The following SH3RF2 variants were observed in gnomAD, a reference collection of about 807,000 sequenced individuals.
SH3RF2 encodes the protein E3 ubiquitin-protein ligase SH3RF2.
In SH3RF2, 43 loss-of-function variants were observed where a neutral mutation model predicts 59.0. The ratio of observed to expected loss-of-function variants is 0.73; its 90% confidence interval spans 0.57 to 0.94. The LOEUF (loss-of-function observed/expected upper bound fraction) is 0.94, where lower values mean the gene tolerates loss of function less well. Among genes scored for constraint, SH3RF2 ranks in the 40% least tolerant of loss-of-function variants. The pLI, the probability that SH3RF2 is intolerant of heterozygous loss-of-function variation, is 0.00. For missense variants in SH3RF2, 930 were observed against 940.1 expected, an observed-to-expected ratio of 0.99 and a Z score of 0.14; for synonymous variants, 391 against 391.5, an observed-to-expected ratio of 1.00 and a Z score of 0.01.
At position 145,989,286 on chromosome 5, in the gene SH3RF2, CATG is replaced by C. The variant is rs558254962; in HGVS notation, c.379-10767_379-10765del. On this transcript the variant is annotated intron_variant, in intron 2 of 9. Coordinates refer to ENST00000359120, the MANE Select transcript of SH3RF2 (RefSeq NM_152550.4). ...TTAAAATTGGGGGATGTTTAGAAAA[CATG>C]ATGAAAACAATCCTTCTTTTCCCTA... is the stretch of plus-strand genomic sequence containing the variant. Among the ~76,000 whole-genome samples, 18 of 152,264 alleles carry C rather than the reference CATG, an allele frequency of 1.2e-4. No homozygotes were observed. The East Asian group carries it at 3.5e-3, about 29-fold the overall frequency.
intron 9 of SH3RF2, among the ~76,000 whole-genome samples, chr5:146,070,732 T>A (rs58561298): frequency 2.0e-5 from 3 of 152,222 alleles, no homozygotes; most frequent in Non-Finnish European, 4.4e-5. Context: ...TCTTCCAGTG[T>A]TCCTTGCTGG....
chr5:145,944,823 GCTGTCT>G (rs1757950079), intron 2 of SH3RF2, among the ~76,000 whole-genome samples: 1 of 152,050 alleles, frequency 6.6e-6, no homozygotes, highest in Non-Finnish European at 1.5e-5. Context: ...TTTGAGAAAC[GCTGTCT>G]CAGAGTTCAC....
At chr5:146,018,517 C>T (rs577885993) in intron 5 of SH3RF2, among the ~76,000 whole-genome samples, 2 of 147,192 alleles carry the variant, frequency 1.4e-5, no homozygotes, top group East Asian at 4.3e-4. Flanking sequence ...TACACACCCA[C>T]ACACACACAC....
intron 5 of SH3RF2, 55 bp from the exon 6 acceptor site, chr5:146,047,717 G>T (rs1326616947): frequency 6.5e-7 from 1 of 1,548,260 alleles, no homozygotes; most frequent in Non-Finnish European, 8.9e-7. Context: ...GTTTGCTGTG[G>T]GCCTGGGTTG....
At chr5:145,991,757 A>G (rs977204) in intron 2 of SH3RF2, among the ~76,000 whole-genome samples, 85,789 of 152,032 alleles carry the variant, frequency 0.56, 24,839 homozygotes, top group South Asian at 0.79. Flanking sequence ...TTAGTTTAAT[A>G]TGCTCTCTCA....
downstream of SH3RF2, among the ~76,000 whole-genome samples, chr5:146,067,600 C>A (rs891406923): frequency 6.6e-6 from 1 of 152,144 alleles, no homozygotes; most frequent in Non-Finnish European, 1.5e-5. Context: ...TAACAATATC[C>A]CCAAGTGATT....
intron 2 of SH3RF2, among the ~76,000 whole-genome samples, chr5:145,946,281 A>G (rs1410230104): frequency 3.9e-5 from 6 of 152,158 alleles, no homozygotes; most frequent in Admixed American, 3.9e-4. Context: ...GATCTCTGTC[A>G]TTTCTTCGAT....
downstream of SH3RF2, among the ~76,000 whole-genome samples, chr5:146,066,229 A>G (rs897746808): frequency 6.6e-6 from 1 of 152,232 alleles, no homozygotes; most frequent in Non-Finnish European, 1.5e-5. Flanking sequence ...GCCAGGAGGC[A>G]GCAGAGTGCA....
chr5:146,051,077 A>T (rs912879142), intron 7 of SH3RF2, among the ~76,000 whole-genome samples: 5 of 152,214 alleles, frequency 3.3e-5, no homozygotes, highest in African/African-American at 1.2e-4. Context: ...TCTACTAAAA[A>T]TACAAAAAGT....
In SH3RF2 at chr5:145,998,925, CA is replaced by C. The variant is rs1760278700; in HGVS notation, c.379-1127del. 2.6e-5 allele frequency among the ~76,000 whole-genome samples: 4 copies of C among 151,750 alleles called. No homozygotes were observed. In the East Asian group the frequency reaches 7.7e-4, roughly 29 times the overall value. ...ACTCCATCTCAGAAAGAAAAGAAAA[CA>C]AAAAAGTTGTGTTTACACTATGCTG... On this transcript the variant is annotated intron_variant, in intron 2 of 9. Coordinates refer to ENST00000359120, the MANE Select transcript of SH3RF2 (RefSeq NM_152550.4).
At chr5:145,954,159 T>C (rs796370331) in intron 2 of SH3RF2, among the ~76,000 whole-genome samples, 28 of 152,328 alleles carry the variant, frequency 1.8e-4, no homozygotes, top group African/African-American at 6.7e-4. Flanking sequence ...GTTGAACTCA[T>C]TTACACTCCC....
At chr5:145,997,624 C>T in intron 2 of SH3RF2, 10 of 1,589,430 alleles carry the variant, frequency 6.3e-6, no homozygotes, top group Non-Finnish European at 8.6e-6. Flanking sequence ...ATTACTTATC[C>T]TCTGGGACTG....
intron 2 of SH3RF2, among the ~76,000 whole-genome samples, chr5:145,962,308 C>T (rs188440699): frequency 1.9e-3 from 291 of 152,242 alleles, no homozygotes; most frequent in Admixed American, 2.6e-3. Context: ...AGATCCTGTG[C>T]GACAAATATC....
At chr5:145,957,008 G>A (rs977111288) in intron 2 of SH3RF2, among the ~76,000 whole-genome samples, 4 of 152,216 alleles carry the variant, frequency 2.6e-5, no homozygotes, top group African/African-American at 9.6e-5. Flanking sequence ...AAGTTTTGTT[G>A]TATGAGTTAA....
At position 145,965,662 on chromosome 5, in the gene SH3RF2, C is replaced by T. The variant is rs77832405; in HGVS notation, c.378+27356C>T. On this transcript the variant is annotated intron_variant, in intron 2 of 9. Coordinates refer to ENST00000359120, the MANE Select transcript of SH3RF2 (RefSeq NM_152550.4). Reference sequence around the variant, plus strand: ...TACACTCACTACTTGAAGCATCATTCATCCTTTCAACAAATATTTATTTAT... The same window carrying T: ...TACACTCACTACTTGAAGCATCATTTATCCTTTCAACAAATATTTATTTAT... Among the ~76,000 whole-genome samples, 575 of 152,310 alleles carry T rather than the reference C, an allele frequency of 3.8e-3. 8 individuals carry two copies. The highest frequency in any genetic ancestry group is 0.013 in the African/African-American group (537 of 41,562).
chr5:145,959,652 T>C (rs1335579094), intron 2 of SH3RF2, among the ~76,000 whole-genome samples: 3 of 146,692 alleles, frequency 2.0e-5, no homozygotes, highest in Non-Finnish European at 3.0e-5. Context: ...TGTGTGTATG[T>C]GTGTGTGTGT....
At chr5:145,953,825 C>G (rs1758288658) in intron 2 of SH3RF2, among the ~76,000 whole-genome samples, 1 of 152,146 alleles carries the variant, frequency 6.6e-6, no homozygotes, top group African/African-American at 2.4e-5. Context: ...TTTATTGTTC[C>G]TGCATTAGTT....
intron 5 of SH3RF2, among the ~76,000 whole-genome samples, chr5:146,047,428 G>A (rs1415506606): frequency 1.3e-5 from 2 of 152,136 alleles, no homozygotes; most frequent in African/African-American, 2.4e-5. Context: ...TCCAAGAGCA[G>A]GTTTTCATAG....
At chr5:145,955,307 A>C (rs189272728) in intron 2 of SH3RF2, among the ~76,000 whole-genome samples, 1 of 152,300 alleles carries the variant, frequency 6.6e-6, no homozygotes, top group East Asian at 1.9e-4. Flanking sequence ...CCAGGAACCG[A>C]AAACCAAATA....
Sources: allele counts gnomAD v4.1 joint callset (sites outside exome capture counted in the v4.1 genomes callset), GRCh38; gene constraint gnomAD v4.1.1; transcripts MANE v1.5; gene names NCBI Gene and HGNC (gene_info 2026-07-23, HGNC 2026-07-21).